The following RAB40A variants were observed in gnomAD, a reference collection of about 807,000 sequenced individuals.
RAB40A encodes the protein RAB40A, member RAS oncogene family, also known as ras-related protein Rab-40A.
For synonymous variants in RAB40A, 65 were observed against 99.9 expected (o/e 0.65, Z 2.08); for missense variants, 145 against 230.2 (o/e 0.63, Z 2.40).
At chrX:103,502,794 T>G (rs2073235569) in intron 2 of RAB40A, 4 of 746,995 alleles carry the variant, frequency 5.4e-6, no homozygotes, top group Admixed American at 8.8e-5. Flanking sequence ...AGCCTGAGCT[T>G]GATTATCTGT....
intron 2 of RAB40A, among the ~76,000 whole-genome samples, chrX:103,506,948 G>A (rs937482468): frequency 2.7e-5 from 3 of 111,628 alleles, no homozygotes; most frequent in African/African-American, 9.8e-5. Flanking sequence ...TGGGATACAT[G>A]TGCAGAACGT....
At chrX:103,503,471 T>C in intron 2 of RAB40A, 1 of 751,800 alleles carries the variant, frequency 1.3e-6, no homozygotes, top group Non-Finnish European at 1.6e-6. Flanking sequence ...GAATGCCATG[T>C]AGATTTGGAG....
At chrX:103,518,095 T>A (rs1275507268) in intron 1 of RAB40A, among the ~76,000 whole-genome samples, 1 of 111,897 alleles carries the variant, frequency 8.9e-6, no homozygotes, top group Non-Finnish European at 1.9e-5. Context: ...GTGGCTACTA[T>A]GTTGGACAGT....
At chrX:103,509,681 A>G (rs1011780240) in intron 2 of RAB40A, among the ~76,000 whole-genome samples, 1 of 102,512 alleles carries the variant, frequency 9.8e-6, no homozygotes, top group Non-Finnish European at 2.0e-5. Context: ...CCACTGCACT[A>G]TGGTTTCTGT....
intron 2 of RAB40A, 166 bp from the exon 3 acceptor site, chrX:103,500,992 T>C: frequency 2.1e-6 from 1 of 468,730 alleles, no homozygotes; most frequent in Non-Finnish European, 3.5e-6. Flanking sequence ...ACACAGCAGT[T>C]AATTCATCAT....
downstream of RAB40A, among the ~76,000 whole-genome samples, chrX:103,497,346 T>A (rs1245165504): frequency 9.1e-6 from 1 of 110,052 alleles, no homozygotes; most frequent in Admixed American, 9.6e-5. Flanking sequence ...TGGGGATGGA[T>A]AGATGGATGG....
At chrX:103,493,778 G>A in the RAB40A span, among the ~76,000 whole-genome samples, 1 of 112,115 alleles carries the variant, frequency 8.9e-6, no homozygotes, top group African/African-American at 3.2e-5. Flanking sequence ...TCTTCTTGAT[G>A]GCTGACTAGT....
intron 1 of RAB40A, among the ~76,000 whole-genome samples, chrX:103,518,079 T>A (rs1229014710): frequency 8.9e-6 from 1 of 111,908 alleles, no homozygotes; most frequent in Non-Finnish European, 1.9e-5. Context: ...TAGTCACAGG[T>A]AGCTAGTGGC....
chrX:103,517,979 T>G (rs1434844563), intron 1 of RAB40A, among the ~76,000 whole-genome samples: 1 of 110,946 alleles, frequency 9.0e-6, no homozygotes, highest in Non-Finnish European at 1.9e-5. Flanking sequence ...CCATACCCAC[T>G]GGCCACTCAT....
intron 2 of RAB40A, among the ~76,000 whole-genome samples, chrX:103,516,005 A>G (rs1202301469): frequency 8.9e-6 from 1 of 112,088 alleles, no homozygotes; most frequent in Admixed American, 9.5e-5. Flanking sequence ...TGTTTTATTT[A>G]GGGAAGCTCT....
chrX:103,505,460 G>GTAAT (rs1288614396), intron 2 of RAB40A, among the ~76,000 whole-genome samples: 1 of 111,953 alleles, frequency 8.9e-6, no homozygotes, highest in African/African-American at 3.2e-5. Context: ...TTTACTTTCA[G>GTAAT]TAATAGTATA....
chrX:103,503,708 A>G (rs1389199318), intron 2 of RAB40A, among the ~76,000 whole-genome samples: 1 of 111,176 alleles, frequency 9.0e-6, no homozygotes, highest in African/African-American at 3.3e-5. Context: ...TATTAGCCAG[A>G]GTTTTCTGGA....
intron 2 of RAB40A, among the ~76,000 whole-genome samples, chrX:103,511,223 G>A (rs1057256210): frequency 2.7e-5 from 3 of 111,455 alleles, no homozygotes; most frequent in African/African-American, 9.8e-5. Context: ...GTTTGGCCGG[G>A]CACGGTGGCT....
chrX:103,496,222 C>T (rs1164057973), downstream of RAB40A, among the ~76,000 whole-genome samples: 1 of 112,286 alleles, frequency 8.9e-6, no homozygotes, highest in Non-Finnish European at 1.9e-5. Context: ...GGGTTAGCCA[C>T]ATATATTGTT....
At chrX:103,496,984 G>A (rs1443764998), downstream of RAB40A, among the ~76,000 whole-genome samples, 2 of 111,299 alleles carry the variant, frequency 1.8e-5, no homozygotes, top group East Asian at 2.8e-4. Flanking sequence ...AGAGGGGTGC[G>A]GGAACAAAGC....
chrX:103,498,236 G>A (rs991739877), downstream of RAB40A, among the ~76,000 whole-genome samples: 5 of 111,724 alleles, frequency 4.5e-5, no homozygotes, highest in Non-Finnish European at 5.6e-5. Flanking sequence ...CCTCAGCATG[G>A]CCCCTGTCCC....
chrX:103,505,127 T>C (rs1198860872), intron 2 of RAB40A, among the ~76,000 whole-genome samples: 2 of 112,389 alleles, frequency 1.8e-5, no homozygotes, highest in Non-Finnish European at 3.7e-5. Context: ...TACTTTTTTG[T>C]TTCTGCTTTG....
intron 2 of RAB40A, among the ~76,000 whole-genome samples, chrX:103,503,689 C>T (rs746980445): frequency 1.8e-5 from 2 of 110,774 alleles, no homozygotes; most frequent in East Asian, 5.7e-4. Flanking sequence ...TGGAGGTGAA[C>T]TACAAAGATA....
In RAB40A at chrX:103,500,185, C is replaced by T; in HGVS notation, c.572G>A (p.Ser191Asn). Residue 191 changes from serine (S) to asparagine (N), a missense_variant, in exon 3 of 3, where the codon AGC becomes AAC. Ser to Asn is a conservative substitution (Grantham distance 46). Transcript: ENST00000304236. ...GGTGCGGCAGCAGAGGTCTTGCAAGCTCAGTACCTTGCTCGGCCTCCCGAG... is the reference window on the plus strand; with the variant it reads ...GGTGCGGCAGCAGAGGTCTTGCAAGTTCAGTACCTTGCTCGGCCTCCCGAG... ...NWLGRPSKVL[S>N]LQDLCCRTIV... The T allele has an allele frequency of 1.7e-6, 2 of 1,211,939 alleles. No individual in the cohort carries two copies. Among genetic ancestry groups the T allele is most frequent in the Non-Finnish European group, 2.2e-6 (2 of 895,415 alleles).
Sources: gnomAD v4.1 joint callset for allele counts (sites outside exome capture counted in the v4.1 genomes callset) on GRCh38, gnomAD v4.1.1 for gene constraint, MANE v1.5 for transcripts, NCBI Gene and HGNC (gene_info 2026-07-23, HGNC 2026-07-21) for gene names.